THSD7A: variants seen among roughly 807,000 people sequenced by gnomAD.
The protein encoded by THSD7A is thrombospondin type-1 domain-containing protein 7A.
In THSD7A, 96 loss-of-function variants were observed where a neutral mutation model predicts 231.3. The ratio of observed to expected loss-of-function variants is 0.41; its 90% CI spans 0.35 to 0.49. THSD7A has a LOEUF of 0.49. Ranked by LOEUF, THSD7A falls within the 20% of genes least tolerant of loss-of-function variation. The pLI is 0.05. For missense variants in THSD7A, 2,290 were observed against 2,070.2 expected (o/e 1.11, Z -2.06); for synonymous variants, 940 against 743.3 (o/e 1.26, Z -4.30).
In THSD7A at chr7:11,613,110, G is replaced by A. The variant is rs546277311; in HGVS notation, c.1023-19608C>T. On this transcript the variant is annotated intron_variant, in intron 2 of 27. Coordinates refer to ENST00000423059, the MANE Select transcript of THSD7A (RefSeq NM_015204.3). ...TTGGTAAAATATTTGAGTGTTAGAG[G>A]TGGGAAATAGATATAATAAAAATTC... is the stretch of plus-strand genomic sequence containing the variant. 1.1e-4 allele frequency among the ~76,000 whole-genome samples: 16 copies of A among 152,304 alleles called. No homozygotes were observed. In the East Asian group the frequency reaches 2.9e-3, roughly 28 times the overall value.
chr7:11,463,575 T>C (rs1372076265), intron 9 of THSD7A, among the ~76,000 whole-genome samples: 1 of 152,154 alleles, frequency 6.6e-6, no homozygotes, highest in African/African-American at 2.4e-5. Flanking sequence ...TTTAGAATTA[T>C]TATTCCCGTT....
At chr7:11,675,701 G>A (rs1783612222) in intron 1 of THSD7A, among the ~76,000 whole-genome samples, 1 of 152,204 alleles carries the variant, frequency 6.6e-6, no homozygotes, top group Admixed American at 6.5e-5. Flanking sequence ...ATGGTAGCCA[G>A]ACTGCCTCTC....
At chr7:11,422,522 T>C (rs1784179583) in intron 16 of THSD7A, among the ~76,000 whole-genome samples, 1 of 146,458 alleles carries the variant, frequency 6.8e-6, no homozygotes, top group African/African-American at 2.6e-5. Context: ...AGTTGTTTAC[T>C]GAAAAAATAA....
At chr7:11,681,157 C>T (rs1487065634) in intron 1 of THSD7A, among the ~76,000 whole-genome samples, 1 of 151,978 alleles carries the variant, frequency 6.6e-6, no homozygotes, top group Non-Finnish European at 1.5e-5. Flanking sequence ...ACAATGAGAA[C>T]ATATGGGCAC....
At position 11,478,770 on chromosome 7, in the gene THSD7A, G is replaced by T. The variant is rs28611366; in HGVS notation, c.2017+3018C>A. Among the ~76,000 whole-genome samples the T allele has an allele frequency of 8.3e-3, 1,264 of 152,130 alleles. 23 individuals are homozygous for T. The highest frequency in any genetic ancestry group is 0.029 in the African/African-American group (1,199 of 41,502). ...TTTTATCTACTGGATTGGGGCCATC[G>T]ATAGATAGATACATACATACATATA... On this transcript the variant is annotated intron_variant, in intron 7 of 27. Transcript: ENST00000423059.
At chr7:11,737,445 A>G (rs1781955203) in intron 1 of THSD7A, among the ~76,000 whole-genome samples, 2 of 152,008 alleles carry the variant, frequency 1.3e-5, no homozygotes, top group African/African-American at 2.4e-5. Context: ...ACTATGCAAG[A>G]CCATTCTGAT....
chr7:11,715,265 AG>A (rs561764600), intron 1 of THSD7A, among the ~76,000 whole-genome samples: 247 of 151,586 alleles, frequency 1.6e-3, no homozygotes, highest in Non-Finnish European at 2.6e-3. Context: ...GAGGGAATGA[AG>A]ATTCAAAGAT....
At chr7:11,639,412 G>A (rs112156362) in intron 1 of THSD7A, among the ~76,000 whole-genome samples, 22,478 of 152,122 alleles carry the variant, frequency 0.15, 1,764 homozygotes, top group Admixed American at 0.2. Context: ...GCTCATGCCT[G>A]TAATCCCAGC....
At chr7:11,667,426 T>C (rs1173592949) in intron 1 of THSD7A, among the ~76,000 whole-genome samples, 1 of 152,200 alleles carries the variant, frequency 6.6e-6, no homozygotes, top group Non-Finnish European at 1.5e-5. Context: ...TACTTTATCT[T>C]TTATAAACTC....
chr7:11,750,696 C>A (rs1233880511), intron 1 of THSD7A, among the ~76,000 whole-genome samples: 1 of 151,988 alleles, frequency 6.6e-6, no homozygotes, highest in Non-Finnish European at 1.5e-5. Flanking sequence ...TCTACTCAGA[C>A]AGCATATAGG....
chr7:11,480,965 C>T (rs567485886), intron 7 of THSD7A, among the ~76,000 whole-genome samples: 3 of 152,218 alleles, frequency 2.0e-5, no homozygotes, highest in East Asian at 1.9e-4. Context: ...AAATAACATA[C>T]ACTTATATTC....
chr7:11,731,467 C>G lies in THSD7A; in HGVS notation c.191-94506G>C, dbSNP rs539182172. Among the ~76,000 whole-genome samples, 3 of 151,662 alleles carry G rather than the reference C, an allele frequency of 2.0e-5. No homozygotes were observed. The South Asian group carries it at 6.2e-4, about 31-fold the overall frequency. ...ATAAAATTAAGGGCTTTAACTACTT[C>G]CATAATGTCTCAGAGTTACTAATAG... On this transcript the variant is annotated intron_variant, in intron 1 of 27. Coordinates refer to ENST00000423059, the MANE Select transcript of THSD7A (RefSeq NM_015204.3).
At chr7:11,660,484 T>C (rs991212341) in intron 1 of THSD7A, among the ~76,000 whole-genome samples, 3 of 151,272 alleles carry the variant, frequency 2.0e-5, no homozygotes, top group Non-Finnish European at 4.4e-5. Flanking sequence ...TCATGTGAAA[T>C]AGAAGTGTAA....
chr7:11,425,911 T>C (rs1170026328), intron 15 of THSD7A, among the ~76,000 whole-genome samples: 1 of 152,002 alleles, frequency 6.6e-6, no homozygotes, highest in African/African-American at 2.4e-5. Flanking sequence ...AAAACCTAAG[T>C]AAAATGAATA....
Position 11,579,647 on chromosome 7 carries a change from T to C in THSD7A, c.1453+10813A>G, listed in dbSNP as rs181607209. ...TGAAACAGTATCTATCCTTCCCTAA[T>C]TTCCCAGCTTAAATACTAGCAAAGT... On this transcript the variant is annotated intron_variant, in intron 4 of 27. Coordinates refer to ENST00000423059, the MANE Select transcript of THSD7A (RefSeq NM_015204.3). Among the ~76,000 whole-genome samples the C allele has an allele frequency of 2.3e-3, 343 of 152,262 alleles. 2 individuals carry two copies. Among genetic ancestry groups the C allele is most frequent in the Middle Eastern group, 0.014 (4 of 294 alleles).
intron 17 of THSD7A, among the ~76,000 whole-genome samples, chr7:11,413,297 A>C (rs965816478): frequency 3.1e-4 from 47 of 151,892 alleles, no homozygotes; most frequent in African/African-American, 1.1e-3. Flanking sequence ...AGAATTGAGA[A>C]AAAAAAATAA....
At chr7:11,747,696 A>G (rs1336382618) in intron 1 of THSD7A, among the ~76,000 whole-genome samples, 3 of 151,910 alleles carry the variant, frequency 2.0e-5, no homozygotes, top group Non-Finnish European at 4.4e-5. Context: ...GACAGTGCAT[A>G]TGTGCTGCTG....
intron 1 of THSD7A, among the ~76,000 whole-genome samples, chr7:11,716,706 C>A (rs190589521): frequency 6.6e-6 from 1 of 151,646 alleles, no homozygotes; most frequent in East Asian, 2.0e-4. Flanking sequence ...CCACTGCTTG[C>A]CTATGGCATT....
At chr7:11,694,310 C>T (rs991426208) in intron 1 of THSD7A, among the ~76,000 whole-genome samples, 1 of 151,516 alleles carries the variant, frequency 6.6e-6, no homozygotes, top group South Asian at 2.1e-4. Flanking sequence ...ATGTTTTTCC[C>T]AGGCCACCAG....
Sources: allele counts gnomAD v4.1 joint callset (sites outside exome capture counted in the v4.1 genomes callset), GRCh38; gene constraint gnomAD v4.1.1; transcripts MANE v1.5; gene names NCBI Gene and HGNC (gene_info 2026-07-23, HGNC 2026-07-21).